The following CSF3R variants were observed in gnomAD, a reference collection of about 807,000 sequenced individuals.
CSF3R encodes the protein granulocyte colony-stimulating factor receptor.
CSF3R carries 52 observed loss-of-function variants against 84.4 expected under a neutral mutation model. The ratio of observed to expected loss-of-function variants is 0.62; its 90% confidence interval spans 0.49 to 0.78. The LOEUF is 0.78. CSF3R is among the 30% of genes least tolerant of loss of function. CSF3R has a pLI of 0.00. For synonymous variants in CSF3R, 384 were observed against 429.1 expected, an observed-to-expected ratio of 0.89 and a Z score of 1.30; for missense variants, 890 against 1,055.7, an observed-to-expected ratio of 0.84 and a Z score of 2.17.
chr1:36,467,161 G>T lies in CSF3R; in HGVS notation c.2040+69C>A. The stretch of plus-strand genomic sequence containing the variant: ...AGGAAGGCCTGAGTACTTGGCTTCA[G>T]AAGGTGTCCCTTCACTGAGCCTGGG... On this transcript the variant is annotated intron_variant, in intron 16 of 16. Transcript: ENST00000373106. This position sits in a 1 kb window ranked among gnomAD's most constrained non-coding sequence, Gnocchi z 4.1. 1.9e-6 allele frequency: 3 copies of T among 1,542,234 alleles called. No homozygotes were observed. Among genetic ancestry groups the T allele is most frequent in the Non-Finnish European group, 2.7e-6 (3 of 1,114,638 alleles).
chr1:36,474,827 C>T (rs1302226991), intron 4 of CSF3R, among the ~76,000 whole-genome samples: 1 of 152,124 alleles, frequency 6.6e-6, no homozygotes, highest in Non-Finnish European at 1.5e-5. Context: ...TTTAGAGCCA[C>T]ACTGCCTCCA....
intron 6 of CSF3R, chr1:36,473,182 TG>T (rs896333526): frequency 2.5e-5 from 14 of 561,412 alleles, no homozygotes; most frequent in Non-Finnish European, 3.8e-5. Flanking sequence ...TAACATGTAG[TG>T]GGTGCTTTAG....
At chr1:36,475,300 C>A (rs1022650150) in intron 4 of CSF3R, 77 bp downstream of exon 4, 1 of 1,577,126 alleles carries the variant, frequency 6.3e-7, no homozygotes, top group East Asian at 2.2e-5. Context: ...AGCCAACGTG[C>A]CCGGCTGGTA....
At chr1:36,471,368 G>T (rs879654815) in intron 10 of CSF3R, 65 bp downstream of exon 10, 61 of 1,495,556 alleles carry the variant, frequency 4.1e-5, no homozygotes, top group Non-Finnish European at 5.1e-5. Flanking sequence ...ATTTAACCCA[G>T]GCAGTCTAGC....
rs1272584212 is a variant in CSF3R, at chr1:36,466,385, T to C, written c.2483A>G (p.His828Arg). The C allele has an allele frequency of 1.9e-6, 3 of 1,613,332 alleles. No individual in the cohort carries two copies. The highest frequency in any genetic ancestry group is 2.5e-6 in the Non-Finnish European group (3 of 1,180,006). ...GAAGCTCCCCAGCGCCTCCATCCCA[T>C]GGACCCGGATCCCCTGCAGGAGGGG... ...NFPLLQGIRV[H>R]GMEALGSF is the part of the protein sequence containing the mutation. Residue 828 changes from histidine to arginine, a missense_variant, in exon 17 of 17, where the codon CAT becomes CGT. His to Arg is a conservative substitution (Grantham distance 29). Coordinates refer to ENST00000373106, the MANE Select transcript of CSF3R (RefSeq NM_000760.4). The surrounding 1 kb of genome is among the most constrained non-coding windows in gnomAD (Gnocchi z 4.6).
chr1:36,479,210 C>G, intron 3 of CSF3R: 1 of 616,648 alleles, frequency 1.6e-6, no homozygotes, highest in Non-Finnish European at 3.0e-6. Context: ...CTGGCCTTTT[C>G]CAGGATGACC....
chr1:36,475,414 G>C lies in CSF3R; in HGVS notation c.324C>G (p.Ser108Arg). 1 of 1,614,160 alleles carries C rather than the reference G, an allele frequency of 6.2e-7. No individual in the cohort carries two copies. Among genetic ancestry groups the C allele is most frequent in the Non-Finnish European group, 8.5e-7 (1 of 1,180,044 alleles). The change falls in exon 4 of 17, where the codon AGC (serine) becomes AGG (arginine). Residue 108 changes from serine (S) to arginine (R), a missense_variant. Coordinates refer to ENST00000373106, the MANE Select transcript of CSF3R (RefSeq NM_000760.4). ...GCTCAACCTGGTCCAGGATCTGCAG[G>C]CTGTTGCCCCAGTTCAGGCAGCAGG... ...FLSCCLNWGN[S>R]LQILDQVELR...
At chr1:36,471,802 G>A in intron 9 of CSF3R, 156 bp from the exon 10 acceptor site, 1 of 783,496 alleles carries the variant, frequency 1.3e-6, no homozygotes, top group Non-Finnish European at 2.1e-6. Context: ...GTTCCCTTGT[G>A]CTAGGTTCTA....
At chr1:36,476,595 C>T (rs1275246329) in intron 3 of CSF3R, among the ~76,000 whole-genome samples, 1 of 151,720 alleles carries the variant, frequency 6.6e-6, no homozygotes, top group African/African-American at 2.4e-5. Flanking sequence ...CAAAATCTTT[C>T]TAATCTCTGG....
Position 36,472,360 on chromosome 1 carries a change from T to A in CSF3R, c.875A>T (p.Tyr292Phe), listed in dbSNP as rs542144205. Residue 292 changes from tyrosine (Y) to phenylalanine (F), a missense_variant, in exon 8 of 17, where the codon TAT becomes TTT. Tyr to Phe is a conservative substitution (Grantham distance 22). Transcript: ENST00000373106. The surrounding 1 kb of genome is among the most constrained non-coding windows in gnomAD (Gnocchi z 5.0). ...GGCTGGGAGGAGCCCGCAGAGCTCA[T>A]ACTGAAGGGCCTCCAAGGGGAGGGG... ...VGPLPLEALQ[Y>F]ELCGLLPATA... is the part of the protein sequence containing the mutation. The A allele has an allele frequency of 1.2e-6, 2 of 1,614,100 alleles. No individual in the cohort carries two copies. Among genetic ancestry groups the A allele is most frequent in the African/African-American group, 2.7e-5 (2 of 75,042 alleles).
Position 36,466,475 on chromosome 1 carries a change from C to T in CSF3R, c.2393G>A (p.Gly798Glu), listed in dbSNP as rs1282868046. 5.0e-6 allele frequency: 8 copies of T among 1,611,624 alleles called. No homozygotes were observed. The highest frequency in any genetic ancestry group is 6.8e-6 in the Non-Finnish European group (8 of 1,179,002). Residue 798 changes from glycine to glutamate, a missense_variant, in exon 17 of 17, where the codon GGG becomes GAG. Gly to Glu is a moderately conservative substitution (Grantham distance 98, BLOSUM62 -2). Coordinates refer to ENST00000373106, the MANE Select transcript of CSF3R (RefSeq NM_000760.4). The surrounding 1 kb of genome is among the most constrained non-coding windows in gnomAD (Gnocchi z 4.6). The stretch of plus-strand genomic sequence containing the variant: ...GCTTGGGGCTGGGGTTACCAGGGTC[C>T]CCAAGGGGCTGGCCTGGAACCAGAG... ...ENLWFQASPL[G>E]TLVTPAPSQE...
In CSF3R at chr1:36,468,185, A is replaced by C. The variant is rs756719784; in HGVS notation, c.1613T>G (p.Ile538Ser). Residue 538 changes from isoleucine (I) to serine (S), a missense_variant, in exon 13 of 17, where the codon ATT becomes AGT. Ile to Ser is a moderately radical substitution (Grantham distance 142). Coordinates refer to ENST00000373106, the MANE Select transcript of CSF3R (RefSeq NM_000760.4). ...SHAPELHLKH[I>S]GKTWAQLEWV... ...CTCCAGCTGTGCCCAGGTCTTGCCA[A>C]TGTGCTTTAGATGCAGCTCTGGGGC... 6.2e-7 allele frequency: 1 copy of C among 1,609,460 alleles called. No individual in the cohort carries two copies. Among genetic ancestry groups the C allele is most frequent in the Non-Finnish European group, 8.5e-7 (1 of 1,177,450 alleles).
chr1:36,468,304 C>T, intron 12 of CSF3R, 83 bp from the exon 13 acceptor site: 1 of 1,424,574 alleles, frequency 7.0e-7, no homozygotes. Flanking sequence ...TTCCCAGACA[C>T]TGTGGGGTGG....
rs1378631134 is a variant in CSF3R, at chr1:36,478,899, G to A, written c.64+534C>T. The A allele has an allele frequency of 4.0e-5, 9 of 224,896 alleles. No homozygotes were observed. The East Asian group carries it at 8.7e-4, about 22-fold the overall frequency. 13.9% of individuals were successfully genotyped at this position (224,896 alleles called of 1,614,324 possible). ...AACAAACAAACAAGGAACAGAGACAGTATGTGGCCTGCAAAGCCTAAACAT... is the reference window on the plus strand; with the variant it reads ...AACAAACAAACAAGGAACAGAGACAATATGTGGCCTGCAAAGCCTAAACAT... On this transcript the variant is annotated intron_variant, in intron 3 of 16. Transcript: ENST00000373106.
chr1:36,473,417 C>T lies in CSF3R; in HGVS notation c.673+18G>A. 1 of 1,612,744 alleles carries T rather than the reference C, an allele frequency of 6.2e-7. No individual in the cohort carries two copies. Reference sequence around the variant, plus strand: ...TCTGCCCATTTTGGGGATCCCCTCCCTCCCCTGCATCACCCACCAACATCC... The same window carrying T: ...TCTGCCCATTTTGGGGATCCCCTCCTTCCCCTGCATCACCCACCAACATCC... On this transcript the variant is annotated intron_variant, in intron 6 of 16. Coordinates refer to ENST00000373106, the MANE Select transcript of CSF3R (RefSeq NM_000760.4).
intron 10 of CSF3R, among the ~76,000 whole-genome samples, chr1:36,470,403 T>G (rs527346588): frequency 6.6e-6 from 1 of 152,318 alleles, no homozygotes; most frequent in African/African-American, 2.4e-5. Context: ...CAGGCTGGTC[T>G]TGACCTCCTG....
At position 36,467,094 on chromosome 1, in the gene CSF3R, G is replaced by T; in HGVS notation, c.2040+136C>A. The stretch of plus-strand genomic sequence containing the variant: ...GGACAGAGGTGGGATTCAAAGTTGG[G>T]TCTGCTTCAGTCCAAAGGGACGAGA... On this transcript the variant is annotated intron_variant, in intron 16 of 16. Coordinates refer to ENST00000373106, the MANE Select transcript of CSF3R (RefSeq NM_000760.4). The surrounding 1 kb of genome is among the most constrained non-coding windows in gnomAD (Gnocchi z 4.1). 2 of 1,239,986 alleles carry T rather than the reference G, an allele frequency of 1.6e-6. No individual in the cohort carries two copies. Among genetic ancestry groups the T allele is most frequent in the South Asian group, 1.3e-5 (1 of 79,542 alleles). 76.8% of individuals were successfully genotyped at this position (1,239,986 alleles called of 1,614,324 possible). A position where few individuals can be genotyped will look rare whatever the true frequency, so the allele number is the denominator to read the frequency against.
chr1:36,472,540 G>T lies in CSF3R; in HGVS notation c.820C>A (p.Arg274Ser). 1 of 1,614,164 alleles carries T rather than the reference G, an allele frequency of 6.2e-7. No individual in the cohort carries two copies. Among genetic ancestry groups the T allele is most frequent in the South Asian group, 1.1e-5 (1 of 91,086 alleles). The part of the protein sequence containing the change: ...QKCELRHKPQ[R>S]GEASWALVGP... ...ACCAGTGCCCAGCTGGCTTCTCCACGCTGCGGCTTGTGGCGCAGCTCACAC... is the reference window on the plus strand; with the variant it reads ...ACCAGTGCCCAGCTGGCTTCTCCACTCTGCGGCTTGTGGCGCAGCTCACAC... The change falls in exon 7 of 17, where the codon CGT becomes AGT. Residue 274 changes from arginine to serine, a missense_variant. Physicochemically the swap from Arg to Ser is moderately radical, Grantham distance 110. Coordinates refer to ENST00000373106, the MANE Select transcript of CSF3R (RefSeq NM_000760.4). The surrounding 1 kb of genome is among the most constrained non-coding windows in gnomAD (Gnocchi z 5.0).
intron 11 of CSF3R, 26 bp from the exon 12 acceptor site, chr1:36,469,283 C>T (rs772856183): frequency 6.4e-7 from 1 of 1,567,844 alleles, no homozygotes; most frequent in Middle Eastern, 1.7e-4. Context: ...GGGGTAGGCA[C>T]TTCTGTTAGG....
Sources: gnomAD v4.1 joint callset for allele counts (sites outside exome capture counted in the v4.1 genomes callset) on GRCh38, gnomAD v4.1.1 for gene constraint, Gnocchi (gnomAD v3.1) non-coding constraint, MANE v1.5 for transcripts, NCBI Gene and HGNC (gene_info 2026-07-23, HGNC 2026-07-21) for gene names.